The following ROPN1 variants were observed in gnomAD, a reference collection of about 807,000 sequenced individuals.
ROPN1 encodes the protein ropporin-1A.
In ROPN1, 14 loss-of-function variants were observed where a neutral mutation model predicts 20.5. The observed-to-expected ratio is 0.68, with a 90% CI of 0.45 to 1.07. The LOEUF is 1.07. Ranked by LOEUF, ROPN1 falls within the 50% of genes least tolerant of loss-of-function variation. The pLI is 0.00. For missense variants in ROPN1, 169 were observed against 242.8 expected (o/e 0.70, Z 2.02); for synonymous variants, 76 against 95.7 (o/e 0.79, Z 1.20).
chr3:123,971,970 AAG>A (rs768124614), intron 4 of ROPN1, among the ~76,000 whole-genome samples: 10 of 152,154 alleles, frequency 6.6e-5, no homozygotes, highest in Admixed American at 5.9e-4. Flanking sequence ...TTAGGATATA[AAG>A]AGAGAGCCAC....
intron 2 of ROPN1, chr3:123,980,160 C>G (rs1273551643): frequency 1.6e-6 from 1 of 610,264 alleles, no homozygotes; most frequent in African/African-American, 1.8e-5. Context: ...ATCTGGCTCC[C>G]TTAGGGGAGG....
At position 123,986,018 on chromosome 3, in the gene ROPN1, A is replaced by AAAAAAAAAAAAAAAAT. The variant is rs201340337; in HGVS notation, c.-12-5526_-12-5525insATTTTTTTTTTTTTTT. Among the ~76,000 whole-genome samples the AAAAAAAAAAAAAAAAT allele has an allele frequency of 7.6e-4, 71 of 93,988 alleles. 17 individuals are homozygous for AAAAAAAAAAAAAAAAT. Among genetic ancestry groups the AAAAAAAAAAAAAAAAT allele is most frequent in the East Asian group, 5.8e-3 (12 of 2,060 alleles). The allele number at this position is 93,988 out of a possible 152,430, so 61.7% of individuals were successfully genotyped here. A position where few individuals can be genotyped will look rare whatever the true frequency, so the allele number is the denominator to read the frequency against. On this transcript the variant is annotated intron_variant, in intron 1 of 5. Transcript: ENST00000405845. ...AAAAAAAAAAAAAAAAAAAAAAAAA[A>AAAAAAAAAAAAAAAAT]TCAAAATATTTAAATTATACTTGAA...
intron 1 of ROPN1, 51 bp from the exon 2 acceptor site, chr3:123,980,544 A>G: frequency 6.4e-7 from 1 of 1,561,000 alleles, no homozygotes; most frequent in Non-Finnish European, 8.8e-7. Flanking sequence ...GATTCATACG[A>G]TGAGAGCAAT....
chr3:123,972,059 G>A (rs2148990431), intron 4 of ROPN1, among the ~76,000 whole-genome samples: 1 of 152,276 alleles, frequency 6.6e-6, no homozygotes, highest in Middle Eastern at 3.4e-3. Context: ...TCAGAAGAAA[G>A]CAATCCTGCT....
chr3:123,987,800 G>C (rs2149003679), intron 1 of ROPN1, among the ~76,000 whole-genome samples: 1 of 152,228 alleles, frequency 6.6e-6, no homozygotes. Context: ...TCCCAAACTT[G>C]CTTATATATC....
chr3:123,973,063 GCT>G (rs1323474618), intron 4 of ROPN1, among the ~76,000 whole-genome samples: 1 of 151,996 alleles, frequency 6.6e-6, no homozygotes, highest in Non-Finnish European at 1.5e-5. Flanking sequence ...ATTCATGAGG[GCT>G]CCACCCTCAT....
At chr3:123,981,261 C>G (rs2038141230) in intron 1 of ROPN1, 1 of 152,196 alleles carries the variant, frequency 6.6e-6, no homozygotes, top group African/African-American at 2.4e-5. Context: ...AATCTCAGTA[C>G]AAGCCTTTCA....
At chr3:123,983,586 G>A (rs1357818695) in intron 1 of ROPN1, among the ~76,000 whole-genome samples, 51 of 152,120 alleles carry the variant, frequency 3.4e-4, no homozygotes, top group Admixed American at 3.3e-3. Context: ...CAATTGGTCT[G>A]CAAGCTCTTT....
chr3:123,976,830 T>C (rs200303927), intron 3 of ROPN1, 34 bp downstream of exon 3: 34 of 1,591,738 alleles, frequency 2.1e-5, no homozygotes, highest in Non-Finnish European at 2.9e-5. Flanking sequence ...ACACTGTCCC[T>C]ACATTCTCCT....
chr3:123,990,939 T>G (rs1221598521), intron 1 of ROPN1, among the ~76,000 whole-genome samples: 3 of 152,212 alleles, frequency 2.0e-5, no homozygotes, highest in Non-Finnish European at 4.4e-5. Context: ...GTAACATGAA[T>G]GAAAGGCTCC....
chr3:123,983,410 C>G (rs1437574826), intron 1 of ROPN1, among the ~76,000 whole-genome samples: 1 of 152,072 alleles, frequency 6.6e-6, no homozygotes, highest in Non-Finnish European at 1.5e-5. Flanking sequence ...TTTGGTTGTG[C>G]AATTGTTTAA....
intron 1 of ROPN1, among the ~76,000 whole-genome samples, chr3:123,984,728 A>G (rs2038215698): frequency 6.6e-6 from 1 of 152,116 alleles, no homozygotes; most frequent in Non-Finnish European, 1.5e-5. Flanking sequence ...TTTCCTATAC[A>G]GTCTGCTCTG....
intron 1 of ROPN1, among the ~76,000 whole-genome samples, chr3:123,985,907 G>C (rs2149001516): frequency 1.4e-5 from 2 of 147,158 alleles, no homozygotes; most frequent in South Asian, 4.5e-4. Context: ...AGCTACTCAG[G>C]AGGCTGAGTT....
At chr3:123,989,964 C>T (rs956103082) in intron 1 of ROPN1, among the ~76,000 whole-genome samples, 1 of 152,184 alleles carries the variant, frequency 6.6e-6, no homozygotes, top group African/African-American at 2.4e-5. Flanking sequence ...ATTAGCCAAT[C>T]CTTCATTACT....
At chr3:123,973,783 G>C (rs910538291) in intron 4 of ROPN1, among the ~76,000 whole-genome samples, 7 of 152,208 alleles carry the variant, frequency 4.6e-5, no homozygotes, top group African/African-American at 1.4e-4. Context: ...CGACACCATT[G>C]AGAACTGAAA....
At chr3:123,970,269 C>T (rs1215006689) in intron 4 of ROPN1, 52 bp from the exon 5 acceptor site, 1 of 1,530,824 alleles carries the variant, frequency 6.5e-7, no homozygotes, top group Admixed American at 1.7e-5. Flanking sequence ...GGCAATATTC[C>T]TGAGATCGGT....
chr3:123,983,382 T>C (rs61203002), intron 1 of ROPN1, among the ~76,000 whole-genome samples: 12,845 of 152,168 alleles, frequency 0.084, 1,333 homozygotes, highest in East Asian at 0.42. Flanking sequence ...TCTGTGTCCA[T>C]GTATTTTGAC....
At chr3:123,977,525 G>A (rs530778134) in intron 2 of ROPN1, among the ~76,000 whole-genome samples, 1 of 152,154 alleles carries the variant, frequency 6.6e-6, no homozygotes, top group African/African-American at 2.4e-5. Flanking sequence ...GGGTGACAGA[G>A]TGAGACCCCC....
intron 3 of ROPN1, among the ~76,000 whole-genome samples, chr3:123,976,543 G>C (rs1293688024): frequency 6.6e-6 from 1 of 152,154 alleles, no homozygotes; most frequent in African/African-American, 2.4e-5. Flanking sequence ...TTACAGTCTT[G>C]ATCAGTAAGG....
Sources: gnomAD v4.1 joint callset for allele counts (sites outside exome capture counted in the v4.1 genomes callset) on GRCh38, gnomAD v4.1.1 for gene constraint, MANE v1.5 for transcripts, NCBI Gene and HGNC (gene_info 2026-07-23, HGNC 2026-07-21) for gene names.